The following ULK4 variants were observed in gnomAD, a reference collection of about 807,000 sequenced individuals.
ULK4 encodes the protein inactive serine/threonine-protein kinase ULK4.
In ULK4, 133 loss-of-function variants were observed where a neutral mutation model predicts 160.6. That is an observed-to-expected ratio of 0.83 (90% CI 0.72 to 0.96). The LOEUF (loss-of-function observed/expected upper bound fraction) is 0.96, where lower values mean the gene tolerates loss of function less well. Among genes scored for constraint, ULK4 ranks in the 40% least tolerant of loss-of-function variants. ULK4 has a pLI of 0.00. For missense variants in ULK4, 1,580 were observed against 1,499.5 expected, an observed-to-expected ratio of 1.05 and a Z score of -0.89; for synonymous variants, 534 against 539.8, an observed-to-expected ratio of 0.99 and a Z score of 0.15.
At chr3:41,892,514 T>C (rs546363975) in intron 16 of ULK4, among the ~76,000 whole-genome samples, 3 of 152,304 alleles carry the variant, frequency 2.0e-5, no homozygotes, top group Admixed American at 6.5e-5. Context: ...TATTCAGCCT[T>C]AAAAAGGAAT....
In ULK4 at chr3:41,346,655, T is replaced by A. The variant is rs576831095; in HGVS notation, c.3678+51424A>T. ...GTTTAATATTTTCAAGTTTTTGGTTTATGTTAATTTTCATTGGGAACTACT... is the reference window on the plus strand; with the variant it reads ...GTTTAATATTTTCAAGTTTTTGGTTAATGTTAATTTTCATTGGGAACTACT... On this transcript the variant is annotated intron_variant, in intron 35 of 36. Transcript: ENST00000301831. 2.3e-3 allele frequency among the ~76,000 whole-genome samples: 345 copies of A among 152,318 alleles called. 3 individuals carry two copies. The highest frequency in any genetic ancestry group is 7.8e-3 in the African/African-American group (323 of 41,568).
At chr3:41,372,432 C>G (rs1017763839) in intron 35 of ULK4, among the ~76,000 whole-genome samples, 1 of 152,206 alleles carries the variant, frequency 6.6e-6, no homozygotes, top group Non-Finnish European at 1.5e-5. Flanking sequence ...GCCCATCAGA[C>G]TAACAGCAGA....
At chr3:41,616,134 T>A (rs575123750) in intron 30 of ULK4, among the ~76,000 whole-genome samples, 2 of 152,216 alleles carry the variant, frequency 1.3e-5, no homozygotes, top group Admixed American at 1.3e-4. Flanking sequence ...AAGAAATTAA[T>A]GTATGACGAA....
chr3:41,641,063 T>G (rs962261306), intron 30 of ULK4, among the ~76,000 whole-genome samples: 4 of 152,182 alleles, frequency 2.6e-5, no homozygotes, highest in African/African-American at 9.7e-5. Context: ...TTGAGTTTGA[T>G]TGAGTTTGAC....
At chr3:41,866,393 G>T (rs1014306428) in intron 17 of ULK4, among the ~76,000 whole-genome samples, 1 of 152,206 alleles carries the variant, frequency 6.6e-6, no homozygotes, top group Non-Finnish European at 1.5e-5. Context: ...TTTTTCCATG[G>T]ACCAGGGTTA....
intron 30 of ULK4, among the ~76,000 whole-genome samples, chr3:41,620,906 C>T (rs777542194): frequency 7.2e-5 from 11 of 152,130 alleles, no homozygotes; most frequent in African/African-American, 2.7e-4. Context: ...CTGATAGCAA[C>T]TTCAGCAAAG....
intron 22 of ULK4, among the ~76,000 whole-genome samples, chr3:41,749,280 C>A (rs1253599567): frequency 6.6e-6 from 1 of 152,058 alleles, no homozygotes; most frequent in Non-Finnish European, 1.5e-5. Flanking sequence ...GTCAGCAGTT[C>A]GAGACCAGTC....
chr3:41,414,068 G>A (rs1486416050), intron 34 of ULK4, among the ~76,000 whole-genome samples: 2 of 152,154 alleles, frequency 1.3e-5, no homozygotes, highest in Non-Finnish European at 2.9e-5. Context: ...GCCAGGCATG[G>A]CACATGCCTG....
At chr3:41,532,020 C>CT (rs1559373253) in intron 32 of ULK4, among the ~76,000 whole-genome samples, 2 of 152,042 alleles carry the variant, frequency 1.3e-5, no homozygotes, top group Non-Finnish European at 1.5e-5. Context: ...CCCAAACCAC[C>CT]GGTCTAATCT....
chr3:41,562,769 G>A (rs764632639), intron 32 of ULK4, among the ~76,000 whole-genome samples: 10 of 152,000 alleles, frequency 6.6e-5, no homozygotes, highest in Admixed American at 1.3e-4. Flanking sequence ...CATGTGAGAT[G>A]AGTCTCCTGA....
intron 23 of ULK4, among the ~76,000 whole-genome samples, chr3:41,717,033 A>G (rs1162951539): frequency 6.6e-6 from 1 of 152,176 alleles, no homozygotes; most frequent in Non-Finnish European, 1.5e-5. Context: ...ACAGATAACA[A>G]AGGCTGAGAA....
chr3:41,287,004 T>C (rs185187432), intron 35 of ULK4, among the ~76,000 whole-genome samples: 4 of 152,312 alleles, frequency 2.6e-5, no homozygotes, highest in South Asian at 2.1e-4. Context: ...TATATTGTAA[T>C]GTACTGTTCA....
rs371889647 is a variant in ULK4, at chr3:41,656,531, G to A, written c.3071+7076C>T. Among the ~76,000 whole-genome samples the A allele has an allele frequency of 1.3e-4, 20 of 152,180 alleles. No homozygotes were observed. In the South Asian group the frequency reaches 3.7e-3, roughly 28 times the overall value. On this transcript the variant is annotated intron_variant, in intron 30 of 36. Coordinates refer to ENST00000301831, the MANE Select transcript of ULK4 (RefSeq NM_017886.4). ...TCCTTAGAGTAAGAACTTTCTTATC[G>A]TTGATTTTTGTCATCATTCAGTAGT...
chr3:41,538,272 A>G (rs981848998), intron 32 of ULK4, among the ~76,000 whole-genome samples: 9 of 152,250 alleles, frequency 5.9e-5, no homozygotes, highest in Admixed American at 3.9e-4. Context: ...TGCATCTTCA[A>G]TGTGAGATTA....
chr3:41,774,390 A>C (rs914617224), intron 21 of ULK4, among the ~76,000 whole-genome samples: 1 of 150,588 alleles, frequency 6.6e-6, no homozygotes, highest in Middle Eastern at 3.4e-3. Flanking sequence ...AAACCAAACA[A>C]CCCCATCACA....
intron 32 of ULK4, among the ~76,000 whole-genome samples, chr3:41,500,783 G>C (rs2085175260): frequency 6.6e-6 from 1 of 152,124 alleles, no homozygotes; most frequent in Non-Finnish European, 1.5e-5. Flanking sequence ...GAGAGTATAG[G>C]CTCATGCCGG....
At chr3:41,567,931 C>G (rs529560460) in intron 31 of ULK4, among the ~76,000 whole-genome samples, 1 of 152,286 alleles carries the variant, frequency 6.6e-6, no homozygotes, top group Non-Finnish European at 1.5e-5. Flanking sequence ...ATGTTAACAT[C>G]TTACCCTAAC....
At chr3:41,664,714 A>G (rs1207059929) in intron 29 of ULK4, among the ~76,000 whole-genome samples, 2 of 152,222 alleles carry the variant, frequency 1.3e-5, no homozygotes, top group Admixed American at 6.5e-5. Flanking sequence ...GCCAATTACA[A>G]TATTTTGTTT....
chr3:41,314,777 T>C (rs939643404), intron 35 of ULK4, among the ~76,000 whole-genome samples: 3 of 152,026 alleles, frequency 2.0e-5, no homozygotes, highest in African/African-American at 7.3e-5. Flanking sequence ...GTTCTATGTG[T>C]CCTTCTAAAG....
Sources: gnomAD v4.1 joint callset for allele counts (sites outside exome capture counted in the v4.1 genomes callset) on GRCh38, gnomAD v4.1.1 for gene constraint, MANE v1.5 for transcripts, NCBI Gene and HGNC (gene_info 2026-07-23, HGNC 2026-07-21) for gene names.